ATP6V0D1: variants seen among roughly 807,000 people sequenced by gnomAD.
The protein encoded by ATP6V0D1 is ATPase H+ transporting V0 subunit d1.
In ATP6V0D1, 13 loss-of-function variants were observed where a neutral mutation model predicts 39.0. The ratio of observed to expected loss-of-function variants is 0.33; its 90% CI spans 0.22 to 0.53. The LOEUF is 0.53. Among genes scored for constraint, ATP6V0D1 ranks in the 20% least tolerant of loss-of-function variants. The pLI, the probability that ATP6V0D1 is intolerant of heterozygous loss-of-function variation, is 0.94. For missense variants in ATP6V0D1, 272 were observed against 470.9 expected (o/e 0.58, Z 3.91); for synonymous variants, 191 against 191.2 (o/e 1.00, Z 0.01).
intron 1 of ATP6V0D1, 39 bp downstream of exon 1, chr16:67,480,918 G>A (rs199626611): frequency 3.7e-6 from 6 of 1,610,260 alleles, no homozygotes; most frequent in Non-Finnish European, 4.2e-6. Flanking sequence ...CTCAGGCCCC[G>A]GACAGCCTCT....
intron 1 of ATP6V0D1, among the ~76,000 whole-genome samples, chr16:67,464,731 G>A (rs1216529331): frequency 1.3e-5 from 2 of 152,270 alleles, no homozygotes; most frequent in East Asian, 1.9e-4. Context: ...CACCAGCCAA[G>A]CACGAAAGCC....
At chr16:67,442,448 G>A (rs1000399199) in intron 4 of ATP6V0D1, among the ~76,000 whole-genome samples, 6 of 139,594 alleles carry the variant, frequency 4.3e-5, no homozygotes, top group African/African-American at 6.7e-5. Context: ...AACTGGTCTC[G>A]GGCTTTTTTT....
chr16:67,480,835 C>T, intron 1 of ATP6V0D1, 122 bp downstream of exon 1: 3 of 1,397,642 alleles, frequency 2.1e-6, no homozygotes, highest in Non-Finnish European at 2.9e-6. Flanking sequence ...CTATCAGCCC[C>T]AGGATTCCCA....
intron 2 of ATP6V0D1, among the ~76,000 whole-genome samples, chr16:67,448,599 G>A (rs776533871): frequency 1.8e-4 from 27 of 150,458 alleles, no homozygotes; most frequent in Non-Finnish European, 3.4e-4. Context: ...TGCGGAGCTT[G>A]CAGTGAGCCG....
chr16:67,462,172 G>A (rs983632112), intron 1 of ATP6V0D1, among the ~76,000 whole-genome samples: 24 of 152,184 alleles, frequency 1.6e-4, no homozygotes, highest in Non-Finnish European at 2.9e-4. Flanking sequence ...AGGCCTGAAG[G>A]CTCCATGGGA....
chr16:67,474,263 A>G (rs1178153414), intron 1 of ATP6V0D1, among the ~76,000 whole-genome samples: 1 of 152,210 alleles, frequency 6.6e-6, no homozygotes, highest in Non-Finnish European at 1.5e-5. Context: ...TACACTTCAC[A>G]AACATCTCAG....
intron 2 of ATP6V0D1, among the ~76,000 whole-genome samples, chr16:67,446,458 G>A (rs2041116676): frequency 6.6e-6 from 1 of 152,188 alleles, no homozygotes; most frequent in Non-Finnish European, 1.5e-5. Context: ...CCATAACTGA[G>A]AGCCTTAAGC....
chr16:67,468,460 T>C (rs1308330585), intron 1 of ATP6V0D1, among the ~76,000 whole-genome samples: 2 of 151,858 alleles, frequency 1.3e-5, no homozygotes, highest in Non-Finnish European at 2.9e-5. Flanking sequence ...CGGTGGTGCA[T>C]GCCTGTAGCC....
Position 67,481,118 on chromosome 16 carries a change from C to A in ATP6V0D1, c.-32G>T, listed in dbSNP as rs772035676. On this transcript the variant is annotated 5_prime_UTR_variant, in exon 1 of 8. Coordinates refer to ENST00000290949, the MANE Select transcript of ATP6V0D1 (RefSeq NM_004691.5). ...TGCGGGAGCGGCGGGACCGGAGAACCAGGACCGGCCGGCACGAATCGCGAC... is the reference window on the plus strand; with the variant it reads ...TGCGGGAGCGGCGGGACCGGAGAACAAGGACCGGCCGGCACGAATCGCGAC... 2 of 1,612,406 alleles carry A rather than the reference C, an allele frequency of 1.2e-6. No individual in the cohort carries two copies. The highest frequency in any genetic ancestry group is 1.7e-4 in the Middle Eastern group (1 of 6,056).
intron 2 of ATP6V0D1, among the ~76,000 whole-genome samples, chr16:67,450,487 A>C (rs1201530713): frequency 6.6e-6 from 1 of 152,036 alleles, no homozygotes; most frequent in Admixed American, 6.6e-5. Context: ...GAGTGGCCAG[A>C]GAGGTAGGAG....
intron 1 of ATP6V0D1, chr16:67,454,543 T>C (rs2041217336): frequency 6.6e-6 from 1 of 151,952 alleles, no homozygotes; most frequent in South Asian, 2.1e-4. Flanking sequence ...GTGTTTTGTT[T>C]TTGTTTTTGT....
At chr16:67,463,949 G>T (rs941341044) in intron 1 of ATP6V0D1, among the ~76,000 whole-genome samples, 5 of 152,248 alleles carry the variant, frequency 3.3e-5, no homozygotes, top group South Asian at 2.1e-4. Flanking sequence ...CACTGGGGGA[G>T]GTGGGAGGCA....
In ATP6V0D1 at chr16:67,470,061, G is replaced by T. The variant is rs568023298; in HGVS notation, c.130+10896C>A. 2.0e-5 allele frequency among the ~76,000 whole-genome samples: 3 copies of T among 152,258 alleles called. No individual in the cohort carries two copies. The East Asian group carries it at 5.8e-4, about 29-fold the overall frequency. Reference sequence around the variant, plus strand: ...GAGCACTCTCTCGTAGTATTCCATTGTAAGAATAGACCATGGTTTACTTAA... The same window carrying T: ...GAGCACTCTCTCGTAGTATTCCATTTTAAGAATAGACCATGGTTTACTTAA... On this transcript the variant is annotated intron_variant, in intron 1 of 7. Transcript: ENST00000290949.
chr16:67,438,735 A>G (rs1388047114), intron 7 of ATP6V0D1, 46 bp from the exon 8 acceptor site: 1 of 1,614,070 alleles, frequency 6.2e-7, no homozygotes. Context: ...ATGGCCACAG[A>G]GTCAGGTCTA....
intron 2 of ATP6V0D1, among the ~76,000 whole-genome samples, chr16:67,450,000 T>A (rs2041160123): frequency 6.6e-6 from 1 of 152,128 alleles, no homozygotes; most frequent in Non-Finnish European, 1.5e-5. Flanking sequence ...CCCTGAGGGA[T>A]GGAGCTAAGG....
intron 1 of ATP6V0D1, among the ~76,000 whole-genome samples, chr16:67,470,737 C>A (rs1307316931): frequency 6.6e-6 from 1 of 152,168 alleles, no homozygotes; most frequent in Non-Finnish European, 1.5e-5. Context: ...CCTCCCACCC[C>A]CCAATCTGCA....
chr16:67,438,457 ACACG>A lies in ATP6V0D1; in HGVS notation c.*67_*70del. 1 of 1,539,202 alleles carries A rather than the reference ACACG, an allele frequency of 6.5e-7. No homozygotes were observed. The highest frequency in any genetic ancestry group is 8.8e-7 in the Non-Finnish European group (1 of 1,136,352). ...GGCTTGTCACAGACCACATACACAC[ACACG>A]CACACACACGCGCACACACACACAC... On this transcript the variant is annotated 3_prime_UTR_variant, in exon 8 of 8. Transcript: ENST00000290949.
In ATP6V0D1 at chr16:67,453,575, C is replaced by T; in HGVS notation, c.271G>A (p.Glu91Lys). 2 of 1,614,214 alleles carry T rather than the reference C, an allele frequency of 1.2e-6. No individual in the cohort carries two copies. Among genetic ancestry groups the T allele is most frequent in the Non-Finnish European group, 8.5e-7 (1 of 1,180,040 alleles). ...EFRHMRNHAY[E>K]PLASFLDFIT... ...AAGTCTAGGAAGCTGGCGAGTGGCT[C>T]ATAGGCATGGTTCCTCATGTGGCGG... Residue 91 changes from glutamate to lysine, a missense_variant, in exon 2 of 8, where the codon GAG becomes AAG. This residue lies in a region of ATP6V0D1 where 135 missense variants were observed against 273.8 expected (regional missense o/e 0.49). Transcript: ENST00000290949. The surrounding 1 kb of genome is among the most constrained non-coding windows in gnomAD (Gnocchi z 4.1).
At position 67,480,929 on chromosome 16, in the gene ATP6V0D1, A is replaced by G. The variant is rs367696465; in HGVS notation, c.130+28T>C. 2.5e-6 allele frequency: 4 copies of G among 1,612,646 alleles called. No individual in the cohort carries two copies. In the African/African-American group the frequency reaches 4.0e-5, roughly 16 times the overall value. On this transcript the variant is annotated intron_variant, in intron 1 of 7. Coordinates refer to ENST00000290949, the MANE Select transcript of ATP6V0D1 (RefSeq NM_004691.5). ...AACCCTCAGGCCCCGGACAGCCTCTATCCCCGCCTTTCGCGGCCCCGGCTC... is the reference window on the plus strand; with the variant it reads ...AACCCTCAGGCCCCGGACAGCCTCTGTCCCCGCCTTTCGCGGCCCCGGCTC...
Sources: allele counts gnomAD v4.1 joint callset (sites outside exome capture counted in the v4.1 genomes callset), GRCh38; gene constraint gnomAD v4.1.1; regional missense constraint gnomAD v4.1.1; non-coding constraint Gnocchi (gnomAD v3.1); transcripts MANE v1.5; gene names NCBI Gene and HGNC (gene_info 2026-07-23, HGNC 2026-07-21).